The following NPL variants were observed in gnomAD, a reference collection of about 807,000 sequenced individuals.
NPL encodes N-acetylneuraminate pyruvate lyase.
Under a neutral mutation model 41.1 loss-of-function variants are expected in NPL, and 32 were observed. The observed-to-expected ratio is 0.78, with a 90% CI of 0.59 to 1.05. NPL has a LOEUF of 1.05. Among genes scored for constraint, NPL ranks in the 50% least tolerant of loss-of-function variants. NPL has a pLI of 0.00. For missense variants in NPL, 321 were observed against 378.4 expected, an observed-to-expected ratio of 0.85 and a Z score of 1.26; for synonymous variants, 128 against 134.9, an observed-to-expected ratio of 0.95 and a Z score of 0.35.
intron 1 of NPL, chr1:182,791,325 A>G (rs894915476): frequency 3.3e-5 from 5 of 152,236 alleles, no homozygotes; most frequent in African/African-American, 1.2e-4. Flanking sequence ...AACCACAGGA[A>G]CAAAGGCAAG....
Position 182,825,796 on chromosome 1 carries a change from T to C in NPL, c.754T>C (p.Phe252Leu). 2.5e-6 allele frequency: 4 copies of C among 1,594,496 alleles called. No homozygotes were observed. Among genetic ancestry groups the C allele is most frequent in the Non-Finnish European group, 3.4e-6 (4 of 1,164,114 alleles). The change falls in exon 12 of 13, where the codon TTT becomes CTT. Residue 252 changes from phenylalanine (F) to leucine (L), a missense_variant. By Grantham distance (22) the Phe-to-Leu change is conservative. Transcript: ENST00000367553. ...ALNYQFCIQR[F>L]INFVVKLGFG... ...TCTTTTCTAGTTTTGTATCCAGAGA[T>C]TTATCAACTTTGTTGTCAAACTAGG...
chr1:182,816,848 C>T, intron 8 of NPL, 42 bp downstream of exon 8: 1 of 1,458,690 alleles, frequency 6.9e-7, no homozygotes, highest in Non-Finnish European at 9.6e-7. Context: ...TTCCAACTCT[C>T]ACATCTTACC....
intron 5 of NPL, chr1:182,809,341 C>A: frequency 3.3e-6 from 1 of 307,306 alleles, no homozygotes; most frequent in Non-Finnish European, 6.5e-6. Context: ...AAGTTTGAGA[C>A]CAACCTGGCC....
At chr1:182,823,198 G>A (rs1667537181) in intron 11 of NPL, among the ~76,000 whole-genome samples, 1 of 152,236 alleles carries the variant, frequency 6.6e-6, no homozygotes, top group African/African-American at 2.4e-5. Context: ...GGAATGGAAA[G>A]ACAGAAGCAA....
chr1:182,815,039 A>G (rs922297021), intron 7 of NPL, among the ~76,000 whole-genome samples, 181 bp downstream of exon 7: 7 of 152,232 alleles, frequency 4.6e-5, no homozygotes, highest in Admixed American at 1.3e-4. Flanking sequence ...AGACTGCATT[A>G]AAGTACTTCA....
At position 182,818,620 on chromosome 1, in the gene NPL, C is replaced by G. The variant is rs1557950985; in HGVS notation, c.537C>G (p.Leu179=). The G allele has an allele frequency of 6.2e-7, 1 of 1,614,210 alleles. No individual in the cohort carries two copies. The highest frequency in any genetic ancestry group is 8.5e-7 in the Non-Finnish European group (1 of 1,180,042). The change falls in exon 9 of 13, where the codon CTC becomes CTG. Residue 179 remains leucine (L), a synonymous_variant. Coordinates refer to ENST00000367553, the MANE Select transcript of NPL (RefSeq NM_030769.3). ...GGCTGAAATTCAGTGATACAGATCT[C>G]TTAGACTTCGGGCAATGTGTTGATC... ...FQGLKFSDTD[L]LDFGQCVDQN...
chr1:182,809,696 G>A (rs1667123587), intron 5 of NPL: 1 of 152,190 alleles, frequency 6.6e-6, no homozygotes, highest in Non-Finnish European at 1.5e-5. Context: ...AGAACAAGGA[G>A]TTGGGTAGAA....
intron 3 of NPL, among the ~76,000 whole-genome samples, chr1:182,798,678 T>G (rs1231359919): frequency 6.6e-6 from 1 of 152,226 alleles, no homozygotes; most frequent in Non-Finnish European, 1.5e-5. Flanking sequence ...CTGGGGAATC[T>G]TCACAATACC....
In NPL at chr1:182,828,680, T is replaced by C. The variant is rs746826061; in HGVS notation, c.779-44T>C. Reference sequence around the variant, plus strand: ...CTTCTTTGGGATTTTTGTGGAGAGATAGACGGTACCAGTCATGTTTCCTCA... The same window carrying C: ...CTTCTTTGGGATTTTTGTGGAGAGACAGACGGTACCAGTCATGTTTCCTCA... On this transcript the variant is annotated intron_variant, in intron 12 of 12. Transcript: ENST00000367553. This position sits in a 1 kb window ranked among gnomAD's most constrained non-coding sequence, Gnocchi z 4.0. 2 of 1,613,526 alleles carry C rather than the reference T, an allele frequency of 1.2e-6. No homozygotes were observed. The highest frequency in any genetic ancestry group is 1.3e-5 in the African/African-American group (1 of 74,938).
At chr1:182,807,004 A>C (rs182893099) in intron 5 of NPL, among the ~76,000 whole-genome samples, 2 of 152,062 alleles carry the variant, frequency 1.3e-5, no homozygotes, top group East Asian at 3.9e-4. Context: ...ACACCTGGCT[A>C]ATTTTTTGTA....
At chr1:182,798,587 A>G (rs1396177352) in intron 3 of NPL, among the ~76,000 whole-genome samples, 1 of 152,224 alleles carries the variant, frequency 6.6e-6, no homozygotes, top group South Asian at 2.1e-4. Flanking sequence ...GCTCACAGTC[A>G]TTAGACCAGA....
At chr1:182,825,079 A>G (rs1369705852) in intron 11 of NPL, among the ~76,000 whole-genome samples, 2 of 152,198 alleles carry the variant, frequency 1.3e-5, no homozygotes, top group South Asian at 2.1e-4. Context: ...TTCAGCTGAA[A>G]CCTGAGTAGC....
At chr1:182,794,689 C>G (rs998422176) in intron 3 of NPL, among the ~76,000 whole-genome samples, 2 of 152,200 alleles carry the variant, frequency 1.3e-5, no homozygotes, top group East Asian at 3.8e-4. Flanking sequence ...TGGCAGCTTG[C>G]CTTTCTCCCA....
At chr1:182,822,929 T>C (rs1667529139) in intron 11 of NPL, among the ~76,000 whole-genome samples, 1 of 152,200 alleles carries the variant, frequency 6.6e-6, no homozygotes, top group Non-Finnish European at 1.5e-5. Context: ...TGCAGCGATG[T>C]GATCATAGCT....
chr1:182,824,759 C>T (rs774365022), intron 11 of NPL, among the ~76,000 whole-genome samples: 2 of 151,996 alleles, frequency 1.3e-5, no homozygotes, highest in African/African-American at 2.4e-5. Context: ...ATCATGCCAC[C>T]GCACTCCAGC....
At chr1:182,818,900 C>T (rs1667412501) in intron 10 of NPL, 41 bp downstream of exon 10, 3 of 1,549,082 alleles carry the variant, frequency 1.9e-6, no homozygotes, top group African/African-American at 2.7e-5. Context: ...TAAAGTCCCC[C>T]ATAAAGGCAT....
At chr1:182,818,782 A>G in intron 9 of NPL, 31 bp from the exon 10 acceptor site, 1 of 1,613,874 alleles carries the variant, frequency 6.2e-7, no homozygotes, top group Non-Finnish European at 8.5e-7. Context: ...TCTCTTTTTT[A>G]TACAAGTGAA....
At chr1:182,812,096 T>A in intron 5 of NPL, 60 bp from the exon 6 acceptor site, 1 of 1,543,328 alleles carries the variant, frequency 6.5e-7, no homozygotes, top group Non-Finnish European at 9.0e-7. Context: ...ACCAGGATAG[T>A]GCAGCCCTTC....
In NPL at chr1:182,794,392, A is replaced by G; in HGVS notation, c.21A>G (p.Lys7=). 6.2e-7 allele frequency: 1 copy of G among 1,614,224 alleles called. No individual in the cohort carries two copies. The highest frequency in any genetic ancestry group is 1.1e-5 in the South Asian group (1 of 91,088). MAFPKK[K]LQGLVAATIT... Reference sequence around the variant, plus strand: ...GCTCAATGGCCTTCCCAAAGAAGAAACTTCAGGGTCTTGTGGCTGCAACCA... The same window carrying G: ...GCTCAATGGCCTTCCCAAAGAAGAAGCTTCAGGGTCTTGTGGCTGCAACCA... The change falls in exon 3 of 13, where the codon AAA becomes AAG. Residue 7 remains lysine (K), a synonymous_variant. Coordinates refer to ENST00000367553, the MANE Select transcript of NPL (RefSeq NM_030769.3).
Sources: allele counts gnomAD v4.1 joint callset (sites outside exome capture counted in the v4.1 genomes callset), GRCh38; gene constraint gnomAD v4.1.1; non-coding constraint Gnocchi (gnomAD v3.1); transcripts MANE v1.5; gene names NCBI Gene and HGNC (gene_info 2026-07-23, HGNC 2026-07-21).